Variants in TMEM164 observed in about 807,000 individuals in gnomAD.
TMEM164 encodes the protein RP13-360B22.2.
In TMEM164, 4 loss-of-function variants were observed where a neutral mutation model predicts 18.8. The ratio of observed to expected loss-of-function variants is 0.21; its 90% CI spans 0.10 to 0.49. The LOEUF (loss-of-function observed/expected upper bound fraction) is 0.49. Ranked by LOEUF, TMEM164 falls within the 20% of genes least tolerant of loss-of-function variation. The pLI is 0.98. For missense variants in TMEM164, 108 were observed against 239.9 expected, an observed-to-expected ratio of 0.45 and a Z score of 3.63; for synonymous variants, 86 against 101.7, an observed-to-expected ratio of 0.85 and a Z score of 0.93.
intron 2 of TMEM164, among the ~76,000 whole-genome samples, chrX:110,017,742 T>C (rs1490247835): frequency 9.5e-6 from 1 of 105,709 alleles, no homozygotes; most frequent in Non-Finnish European, 1.9e-5. Flanking sequence ...GCTAATTTTG[T>C]ATTTTTAGTA....
At chrX:110,181,349 C>T (rs768890333), downstream of TMEM164, among the ~76,000 whole-genome samples, 1 of 112,225 alleles carries the variant, frequency 8.9e-6, no homozygotes, top group Non-Finnish European at 1.9e-5. Context: ...CAGAGGTGTA[C>T]AGATTCTTCC....
At chrX:110,030,463 TG>T (rs2147751653) in intron 2 of TMEM164, among the ~76,000 whole-genome samples, 1 of 105,256 alleles carries the variant, frequency 9.5e-6, no homozygotes, top group African/African-American at 3.5e-5. Context: ...TTTTTAAATG[TG>T]GGTTTTATTA....
rs536579588 is a variant in TMEM164 at position 110,174,976 on chromosome X, A to T, written c.*1525A>T. 2 of 111,991 alleles carry T rather than the reference A, an allele frequency of 1.8e-5. No homozygotes were observed. The highest frequency in any genetic ancestry group is 3.7e-4 in the South Asian group (1 of 2,689). The allele number at this position is 111,991 out of a possible 1,213,427, so 9.2% of individuals were successfully genotyped here. On this transcript the variant is annotated 3_prime_UTR_variant, in exon 7 of 7. Coordinates refer to ENST00000372068, the MANE Select transcript of TMEM164 (RefSeq NM_032227.4). Reference sequence around the variant, plus strand: ...GTGCCTCAGTGGTCATAATTTTAGCAAGTGGACCTATAGGAAGCAACCCTG... The same window carrying T: ...GTGCCTCAGTGGTCATAATTTTAGCTAGTGGACCTATAGGAAGCAACCCTG...
At chrX:110,133,979 T>C (rs1239005090) in intron 4 of TMEM164, among the ~76,000 whole-genome samples, 1 of 112,182 alleles carries the variant, frequency 8.9e-6, no homozygotes, top group Admixed American at 9.4e-5. Context: ...TTGTAGAGTA[T>C]CTAATGGTAT....
chrX:110,173,460 A>T lies in TMEM164; in HGVS notation c.*9A>T, dbSNP rs1373511121. On this transcript the variant is annotated 3_prime_UTR_variant, in exon 7 of 7. Coordinates refer to ENST00000372068, the MANE Select transcript of TMEM164 (RefSeq NM_032227.4). ...CCAAGAAAATAGACTGAAGGTGCTT[A>T]TTTTTTTTTTTTTTCCTCCCTGAGG... 5.4e-5 allele frequency: 57 copies of T among 1,054,016 alleles called. No homozygotes were observed. In the Middle Eastern group the frequency reaches 8.5e-4, roughly 16 times the overall value. The allele number at this position is 1,054,016 out of a possible 1,213,427, so 86.9% of individuals were successfully genotyped here.
chrX:110,103,364 G>C (rs1185081135), intron 3 of TMEM164, among the ~76,000 whole-genome samples: 1 of 112,130 alleles, frequency 8.9e-6, no homozygotes, highest in East Asian at 2.8e-4. Flanking sequence ...CTTTATTGGG[G>C]TTTCCACAGA....
chrX:110,090,459 C>T (rs928055686), intron 3 of TMEM164, among the ~76,000 whole-genome samples: 1 of 109,615 alleles, frequency 9.1e-6, no homozygotes, highest in African/African-American at 3.3e-5. Context: ...GCACATGCCA[C>T]CACACTCGGC....
At position 110,041,469 on chromosome X, in the gene TMEM164, A is replaced by AG. The variant is rs753988496; in HGVS notation, c.391-25875dup. ...AGGACTCAGCTTACCTTCTAATTAG[A>AG]GGGCACATCTGAGTCCTCCATTAAG... is the stretch of plus-strand genomic sequence containing the variant. On this transcript the variant is annotated intron_variant, in intron 2 of 6. Coordinates refer to ENST00000372068, the MANE Select transcript of TMEM164 (RefSeq NM_032227.4). Among the ~76,000 whole-genome samples the AG allele has an allele frequency of 4.5e-5, 5 of 111,489 alleles. 1 individual carries two copies. The highest frequency in any genetic ancestry group is 9.4e-5 in the Non-Finnish European group (5 of 53,078).
At chrX:110,117,939 G>A (rs1426572630) in intron 4 of TMEM164, among the ~76,000 whole-genome samples, 1 of 111,469 alleles carries the variant, frequency 9.0e-6, no homozygotes, top group Non-Finnish European at 1.9e-5. Context: ...TTTTTTTGAA[G>A]TCTCAGTCTG....
intron 2 of TMEM164, among the ~76,000 whole-genome samples, chrX:110,022,159 C>T (rs527607634): frequency 9.0e-6 from 1 of 111,292 alleles, no homozygotes; most frequent in Admixed American, 9.5e-5. Flanking sequence ...GTTGAGAAGA[C>T]TGGATTAAAT....
intron 3 of TMEM164, among the ~76,000 whole-genome samples, chrX:110,091,249 T>C (rs2065924190): frequency 3.6e-5 from 4 of 112,422 alleles, no homozygotes; most frequent in African/African-American, 1.3e-4. Context: ...GCTCAAATGG[T>C]ATTTCTAGTT....
chrX:110,078,688 G>A (rs2065707494), intron 3 of TMEM164, among the ~76,000 whole-genome samples: 1 of 111,250 alleles, frequency 9.0e-6, no homozygotes, highest in Non-Finnish European at 1.9e-5. Context: ...GCATGGTGAT[G>A]GGCACCTGTA....
intron 2 of TMEM164, among the ~76,000 whole-genome samples, chrX:110,032,287 T>C (rs578013897): frequency 8.9e-6 from 1 of 112,008 alleles, no homozygotes; most frequent in South Asian, 3.7e-4. Context: ...CTTTGTAAAC[T>C]GTAACATGCC....
chrX:110,018,860 T>C (rs1210452507), intron 2 of TMEM164, among the ~76,000 whole-genome samples: 3 of 111,956 alleles, frequency 2.7e-5, no homozygotes, highest in Non-Finnish European at 5.6e-5. Context: ...TCAAATAAGG[T>C]ATGTGAATGT....
chrX:110,182,297 C>T (rs1009227651), downstream of TMEM164: 1 of 111,715 alleles, frequency 9.0e-6, no homozygotes, highest in Non-Finnish European at 1.9e-5. Flanking sequence ...TCTTTTTCTT[C>T]CCTGCCAGCA....
At chrX:110,021,964 G>A (rs779811016) in intron 2 of TMEM164, among the ~76,000 whole-genome samples, 13 of 111,449 alleles carry the variant, frequency 1.2e-4, no homozygotes, top group African/African-American at 3.9e-4. Context: ...GAACAGTGGA[G>A]GTCAGAGTCC....
At chrX:110,111,774 A>G (rs952609926) in intron 4 of TMEM164, among the ~76,000 whole-genome samples, 6 of 112,435 alleles carry the variant, frequency 5.3e-5, no homozygotes, top group African/African-American at 1.6e-4. Flanking sequence ...AAGCATGAGA[A>G]TGAAGGCCCC....
intron 6 of TMEM164, among the ~76,000 whole-genome samples, chrX:110,172,667 A>G (rs900220542): frequency 8.1e-5 from 9 of 111,778 alleles, no homozygotes; most frequent in African/African-American, 2.6e-4. Context: ...GCCTCCTACA[A>G]GGAGGGCAAC....
intron 3 of TMEM164, among the ~76,000 whole-genome samples, chrX:110,100,640 C>T (rs756589744): frequency 1.3e-4 from 14 of 111,730 alleles, no homozygotes; most frequent in Non-Finnish European, 2.1e-4. Context: ...GGCACAATCT[C>T]GGCTCACTGC....
Sources: allele counts gnomAD v4.1 joint callset (sites outside exome capture counted in the v4.1 genomes callset), GRCh38; gene constraint gnomAD v4.1.1; transcripts MANE v1.5; gene names NCBI Gene and HGNC (gene_info 2026-07-23, HGNC 2026-07-21).